The following SCAI variants were observed in gnomAD, a reference collection of about 807,000 sequenced individuals.
The protein encoded by SCAI is suppressor of cancer cell invasion, also known as protein SCAI.
SCAI carries 24 observed loss-of-function variants against 92.2 expected under a neutral mutation model. The ratio of observed to expected loss-of-function variants is 0.26; its 90% CI spans 0.19 to 0.37. The LOEUF (loss-of-function observed/expected upper bound fraction) is 0.37, where lower values mean the gene tolerates loss of function less well. SCAI is among the 10% of genes least tolerant of loss of function. The pLI is 1.00. For missense variants in SCAI, 450 were observed against 736.2 expected (o/e 0.61, Z 4.50); for synonymous variants, 261 against 258.6 (o/e 1.01, Z -0.09).
chr9:124,980,049 C>CAA (rs34760799), intron 14 of SCAI, among the ~76,000 whole-genome samples: 5,449 of 80,826 alleles, frequency 0.067, 312 homozygotes, highest in East Asian at 0.32. Context: ...GACTCCGTCT[C>CAA]AAAAAAAAAA....
intron 17 of SCAI, among the ~76,000 whole-genome samples, chr9:124,963,739 C>T (rs1273310477): frequency 1.1e-5 from 1 of 92,020 alleles, no homozygotes; most frequent in East Asian, 3.5e-4. Flanking sequence ...ACCTGGGCAA[C>T]AGAGTGAGAA....
At chr9:125,047,580 C>T (rs1419325504) in intron 3 of SCAI, among the ~76,000 whole-genome samples, 2 of 152,136 alleles carry the variant, frequency 1.3e-5, no homozygotes, top group African/African-American at 4.8e-5. Flanking sequence ...ACTGGGAACA[C>T]CTCATGGACC....
At chr9:125,042,644 C>CGTGTGTGTGT (rs1488265935) in intron 3 of SCAI, among the ~76,000 whole-genome samples, 13 of 90,668 alleles carry the variant, frequency 1.4e-4, no homozygotes, top group African/African-American at 4.7e-4. Context: ...TACACACACA[C>CGTGTGTGTGT]ACACACACAC....
At chr9:125,023,207 C>T (rs1832904407) in intron 6 of SCAI, among the ~76,000 whole-genome samples, 1 of 152,108 alleles carries the variant, frequency 6.6e-6, no homozygotes, top group African/African-American at 2.4e-5. Context: ...GTATATCATA[C>T]CTTCCCCTTC....
intron 2 of SCAI, among the ~76,000 whole-genome samples, chr9:125,128,598 A>C (rs990769901): frequency 3.3e-5 from 5 of 151,882 alleles, no homozygotes; most frequent in African/African-American, 1.2e-4. Context: ...CTAAAAATAC[A>C]AAAAATTAGC....
intron 2 of SCAI, among the ~76,000 whole-genome samples, chr9:125,127,394 C>A (rs1835299901): frequency 6.7e-6 from 1 of 148,952 alleles, no homozygotes; most frequent in African/African-American, 2.5e-5. Flanking sequence ...GGGAGAAGGT[C>A]CCAGGGCAGA....
intron 2 of SCAI, among the ~76,000 whole-genome samples, chr9:125,094,094 A>G (rs1272986572): frequency 6.6e-6 from 1 of 152,150 alleles, no homozygotes. Flanking sequence ...AGTTCATTCC[A>G]AACACAGCAG....
At chr9:125,125,027 C>G (rs1334507644) in intron 2 of SCAI, among the ~76,000 whole-genome samples, 1 of 152,026 alleles carries the variant, frequency 6.6e-6, no homozygotes, top group Non-Finnish European at 1.5e-5. Flanking sequence ...TCCAGACCAG[C>G]CTGGTCAACA....
At chr9:125,060,887 G>A (rs566844197) in intron 2 of SCAI, among the ~76,000 whole-genome samples, 177 of 152,310 alleles carry the variant, frequency 1.2e-3, no homozygotes, top group African/African-American at 4.1e-3. Context: ...TGAGTTTCAT[G>A]ACTTTCTCAG....
At chr9:125,070,080 T>G (rs1833951470) in intron 2 of SCAI, among the ~76,000 whole-genome samples, 1 of 152,222 alleles carries the variant, frequency 6.6e-6, no homozygotes, top group African/African-American at 2.4e-5. Context: ...GATATGAAAC[T>G]GTGCTATAAA....
chr9:125,122,676 G>A (rs950958140), intron 2 of SCAI, among the ~76,000 whole-genome samples: 5 of 151,660 alleles, frequency 3.3e-5, no homozygotes, highest in Non-Finnish European at 7.4e-5. Context: ...AGGCCGAGGC[G>A]GGTGGATTGC....
At chr9:125,008,035 C>A (rs1158206641) in intron 9 of SCAI, among the ~76,000 whole-genome samples, 1 of 151,742 alleles carries the variant, frequency 6.6e-6, no homozygotes, top group Non-Finnish European at 1.5e-5. Flanking sequence ...TTAGTAGAGA[C>A]GGGGTTTCAC....
chr9:125,134,482 T>C (rs1327651852), intron 2 of SCAI, among the ~76,000 whole-genome samples: 1 of 152,096 alleles, frequency 6.6e-6, no homozygotes, highest in Non-Finnish European at 1.5e-5. Flanking sequence ...TTTAAATATG[T>C]AACAACAACA....
intron 14 of SCAI, among the ~76,000 whole-genome samples, chr9:124,983,890 T>C (rs1470519233): frequency 6.6e-6 from 1 of 152,220 alleles, no homozygotes; most frequent in Non-Finnish European, 1.5e-5. Flanking sequence ...TTGGTTTTCT[T>C]ATCAGTAAAA....
In SCAI at chr9:124,997,296, T is replaced by C. The variant is rs149442699; in HGVS notation, c.1245-2281A>G. ...AGGATCTCAAAGGGAAAAATAAAAT[T>C]ACTTTCAGGCAATGTGTATGAGTTG... On this transcript the variant is annotated intron_variant, in intron 13 of 17. Coordinates refer to ENST00000336505, the MANE Select transcript of SCAI (RefSeq NM_001144877.3). Among the ~76,000 whole-genome samples, 587 of 152,284 alleles carry C rather than the reference T, an allele frequency of 3.9e-3. 5 individuals are homozygous for C. Among genetic ancestry groups the C allele is most frequent in the Middle Eastern group, 0.01 (3 of 294 alleles).
intron 3 of SCAI, among the ~76,000 whole-genome samples, chr9:125,046,600 T>C (rs1316661356): frequency 6.7e-6 from 1 of 150,352 alleles, no homozygotes; most frequent in African/African-American, 2.4e-5. Flanking sequence ...TTGGGTACAG[T>C]GTATATTGCT....
chr9:125,032,188 T>A (rs71497076), intron 3 of SCAI, among the ~76,000 whole-genome samples: 1 of 112,140 alleles, frequency 8.9e-6, no homozygotes, highest in Non-Finnish European at 1.7e-5. Context: ...TATATATATA[T>A]ATATATATTT....
At chr9:125,009,792 C>T (rs150815154) in intron 9 of SCAI, among the ~76,000 whole-genome samples, 80 of 152,098 alleles carry the variant, frequency 5.3e-4, no homozygotes, top group African/African-American at 1.8e-3. Context: ...ACTCAGGAGG[C>T]TGAGGCAGGA....
intron 2 of SCAI, among the ~76,000 whole-genome samples, chr9:125,132,751 G>A (rs1041579380): frequency 3.9e-5 from 6 of 152,044 alleles, no homozygotes; most frequent in Non-Finnish European, 5.9e-5. Flanking sequence ...GGCAGATCAC[G>A]AGGACAGGAG....
Sources: gnomAD v4.1 joint callset for allele counts (sites outside exome capture counted in the v4.1 genomes callset) on GRCh38, gnomAD v4.1.1 for gene constraint, MANE v1.5 for transcripts, NCBI Gene and HGNC (gene_info 2026-07-23, HGNC 2026-07-21) for gene names.